Variants in WDR43 observed in about 807,000 individuals in gnomAD.
WDR43 encodes WD repeat domain 43, also known as WD repeat-containing protein 43.
A neutral mutation model predicts 91.4 loss-of-function variants in WDR43; 13 were observed. That is an observed-to-expected ratio of 0.14 (90% confidence interval 0.09 to 0.23). The LOEUF is 0.23. Ranked by LOEUF, WDR43 falls within the 10% of genes least tolerant of loss-of-function variation. The pLI is 1.00. For synonymous variants in WDR43, 331 were observed against 287.9 expected (o/e 1.15, Z -1.51); for missense variants, 780 against 809.4 (o/e 0.96, Z 0.44).
chr2:28,927,810 G>C (rs1671170949), intron 10 of WDR43, 110 bp downstream of exon 10: 1 of 1,375,552 alleles, frequency 7.3e-7, no homozygotes, highest in African/African-American at 1.5e-5. Context: ...AATTTACTGA[G>C]ATTTCTCCTG....
intron 3 of WDR43, among the ~76,000 whole-genome samples, chr2:28,909,126 G>T (rs1670741238): frequency 6.6e-6 from 1 of 151,846 alleles, no homozygotes; most frequent in South Asian, 2.1e-4. Context: ...TGATTATCCC[G>T]AGATTTTTTT....
At chr2:28,944,945 T>G (rs2148202228) in intron 16 of WDR43, among the ~76,000 whole-genome samples, 1 of 152,316 alleles carries the variant, frequency 6.6e-6, no homozygotes, top group Middle Eastern at 3.4e-3. Flanking sequence ...ATTTGGTACA[T>G]TTTCCATTTA....
intron 2 of WDR43, chr2:28,905,170 C>G (rs1168497451): frequency 6.6e-6 from 1 of 152,170 alleles, no homozygotes; most frequent in African/African-American, 2.4e-5. Flanking sequence ...AAAAGATTGA[C>G]TTGGCACTGA....
chr2:28,922,494 T>C (rs1671051723), intron 6 of WDR43, among the ~76,000 whole-genome samples: 8 of 151,898 alleles, frequency 5.3e-5, no homozygotes, highest in Admixed American at 5.2e-4. Flanking sequence ...GGTAGGGGCA[T>C]CTCCAGACAG....
chr2:28,919,434 C>G (rs746062839), intron 6 of WDR43, among the ~76,000 whole-genome samples: 2 of 152,042 alleles, frequency 1.3e-5, no homozygotes, highest in Admixed American at 6.5e-5. Flanking sequence ...TTTGGGAGGC[C>G]GAGGCAGGTG....
At chr2:28,920,984 A>T (rs1671013450) in intron 6 of WDR43, among the ~76,000 whole-genome samples, 1 of 148,072 alleles carries the variant, frequency 6.8e-6, no homozygotes, top group African/African-American at 2.4e-5. Context: ...GGCAAGACTG[A>T]ATTTTTACTT....
intron 14 of WDR43, among the ~76,000 whole-genome samples, chr2:28,938,360 G>C (rs986053810): frequency 1.3e-5 from 2 of 152,128 alleles, no homozygotes; most frequent in African/African-American, 4.8e-5. Context: ...GTCCTGCCTT[G>C]TCCCAGGAGG....
At chr2:28,895,160 G>T (rs987740601) in intron 1 of WDR43, 1 of 361,478 alleles carries the variant, frequency 2.8e-6, no homozygotes, top group Non-Finnish European at 4.8e-6. Flanking sequence ...AGCCCTGCCG[G>T]CTGGCCCAAT....
chr2:28,909,797 T>G (rs1670754304), intron 3 of WDR43, among the ~76,000 whole-genome samples: 1 of 152,108 alleles, frequency 6.6e-6, no homozygotes, highest in Non-Finnish European at 1.5e-5. Context: ...TCACTTGAGC[T>G]CAGGAGATCG....
intron 11 of WDR43, among the ~76,000 whole-genome samples, chr2:28,932,070 G>A (rs1671258825): frequency 6.6e-6 from 1 of 151,788 alleles, no homozygotes; most frequent in Admixed American, 6.6e-5. Flanking sequence ...GTAGAGACAG[G>A]GTCTGCTGTG....
In WDR43 at chr2:28,902,347, G is replaced by C. The variant is rs141471820; in HGVS notation, c.363+223G>C. ...CAGAGTATGAAGACTTATTGACTAG[G>C]TTTAAAATAAGGAAGGGTTACAGGA... On this transcript the variant is annotated intron_variant, in intron 2 of 17. Coordinates refer to ENST00000407426, the MANE Select transcript of WDR43 (RefSeq NM_015131.3). Among the ~76,000 whole-genome samples the C allele has an allele frequency of 3.8e-4, 58 of 152,300 alleles. No homozygotes were observed. In the South Asian group the frequency reaches 0.012, roughly 30 times the overall value.
intron 1 of WDR43, among the ~76,000 whole-genome samples, chr2:28,896,827 T>C (rs969144042): frequency 2.0e-5 from 3 of 152,226 alleles, no homozygotes; most frequent in African/African-American, 7.2e-5. Context: ...GCAAGTTGTT[T>C]TAATTTTGAG....
In WDR43 at chr2:28,927,644, C is replaced by A. The variant is rs747239470; in HGVS notation, c.1249C>A (p.Pro417Thr). Residue 417 changes from proline (P) to threonine (T), a missense_variant, in exon 10 of 18, where the codon CCC (proline) becomes ACC (threonine). Pro to Thr is a conservative substitution (Grantham distance 38). Coordinates refer to ENST00000407426, the MANE Select transcript of WDR43 (RefSeq NM_015131.3). Reference protein sequence around the residue: ...GIPGHHAAIKPAPPQTEQVES... With the variant: ...GIPGHHAAIKTAPPQTEQVES... ...TCCTGGTCATCATGCAGCTATCAAGCCCGCTCCTCCACAAACCGAGCAAGT... is the reference window on the plus strand; with the variant it reads ...TCCTGGTCATCATGCAGCTATCAAGACCGCTCCTCCACAAACCGAGCAAGT... The A allele has an allele frequency of 1.9e-6, 3 of 1,613,760 alleles. No individual in the cohort carries two copies. The highest frequency in any genetic ancestry group is 2.5e-6 in the Non-Finnish European group (3 of 1,179,852).
At chr2:28,934,777 C>G (rs1002953787) in intron 11 of WDR43, among the ~76,000 whole-genome samples, 1 of 152,180 alleles carries the variant, frequency 6.6e-6, no homozygotes, top group African/African-American at 2.4e-5. Context: ...TTTGGTGCCA[C>G]TGCTGTTTCT....
intron 11 of WDR43, among the ~76,000 whole-genome samples, chr2:28,932,351 C>T (rs1251696794): frequency 6.6e-6 from 1 of 152,098 alleles, no homozygotes; most frequent in African/African-American, 2.4e-5. Flanking sequence ...TTAGTAGAGA[C>T]AGGACTTCAC....
At chr2:28,944,840 G>A (rs1671512803) in intron 16 of WDR43, among the ~76,000 whole-genome samples, 1 of 152,216 alleles carries the variant, frequency 6.6e-6, no homozygotes, top group South Asian at 2.1e-4. Context: ...CTGGACAAAG[G>A]GATGATTTAC....
At chr2:28,935,175 A>G (rs534600651) in intron 11 of WDR43, among the ~76,000 whole-genome samples, 2 of 152,358 alleles carry the variant, frequency 1.3e-5, no homozygotes, top group South Asian at 2.1e-4. Context: ...TAGGGTGGAT[A>G]CAGCCCAAAT....
chr2:28,894,763 C>T lies in WDR43; in HGVS notation c.65C>T (p.Ser22Phe). Residue 22 changes from serine (S) to phenylalanine (F), a missense_variant, in exon 1 of 18, where the codon TCC becomes TTC. Ser to Phe is a radical substitution (Grantham distance 155, BLOSUM62 -2). Coordinates refer to ENST00000407426, the MANE Select transcript of WDR43 (RefSeq NM_015131.3). ...LAPAGVPCAF[S>F]PHSQAYFALA... ...CCTGCTGGGGTCCCTTGCGCCTTCTCCCCGCACAGCCAGGCCTACTTCGCT... is the reference window on the plus strand; with the variant it reads ...CCTGCTGGGGTCCCTTGCGCCTTCTTCCCGCACAGCCAGGCCTACTTCGCT... 3 of 1,603,076 alleles carry T rather than the reference C, an allele frequency of 1.9e-6. No homozygotes were observed. The highest frequency in any genetic ancestry group is 2.6e-6 in the Non-Finnish European group (3 of 1,175,236).
intron 11 of WDR43, among the ~76,000 whole-genome samples, chr2:28,932,922 G>A (rs1417156749): frequency 6.6e-6 from 1 of 152,156 alleles, no homozygotes; most frequent in Non-Finnish European, 1.5e-5. Context: ...AAAATACCTA[G>A]GGTATATCTA....
Sources: gnomAD v4.1 joint callset for allele counts (sites outside exome capture counted in the v4.1 genomes callset) on GRCh38, gnomAD v4.1.1 for gene constraint, MANE v1.5 for transcripts, NCBI Gene and HGNC (gene_info 2026-07-23, HGNC 2026-07-21) for gene names.